The following PIGX variants were observed in gnomAD, a reference collection of about 807,000 sequenced individuals.
The protein encoded by PIGX is phosphatidylinositol glycan anchor biosynthesis class X.
Under a neutral mutation model 28.7 loss-of-function variants are expected in PIGX, and 24 were observed. The ratio of observed to expected loss-of-function variants is 0.84; its 90% CI spans 0.60 to 1.17. The LOEUF (loss-of-function observed/expected upper bound fraction) is 1.17, where lower values mean the gene tolerates loss of function less well. PIGX is among the 50% of genes most tolerant of loss of function. The probability of loss-of-function intolerance (pLI) is 0.00; values close to 1 mark genes in which losing one functional copy is unlikely to be tolerated. For synonymous variants in PIGX, 127 were observed against 121.0 expected (o/e 1.05, Z -0.33); for missense variants, 305 against 317.8 (o/e 0.96, Z 0.31).
At chr3:196,731,169 TAA>T (rs535903270) in intron 5 of PIGX, 77 bp downstream of exon 5, 1 of 807,972 alleles carries the variant, frequency 1.2e-6, no homozygotes, top group South Asian at 1.7e-5. Context: ...CTGCCACATT[TAA>T]GAGATTAGCA....
chr3:196,725,474 C>T (rs1397101898), intron 3 of PIGX, among the ~76,000 whole-genome samples: 1 of 152,092 alleles, frequency 6.6e-6, no homozygotes, highest in East Asian at 1.9e-4. Flanking sequence ...GGAGGAGAAA[C>T]TCAAGCAGAG....
At chr3:196,713,830 C>G (rs1157769699) in intron 1 of PIGX, among the ~76,000 whole-genome samples, 1 of 122,580 alleles carries the variant, frequency 8.2e-6, no homozygotes, top group Non-Finnish European at 1.7e-5. Context: ...GAGGGAGACT[C>G]TGTCTCAAAA....
intron 4 of PIGX, chr3:196,728,861 T>C (rs1244999570): frequency 1.4e-6 from 1 of 712,202 alleles, no homozygotes; most frequent in African/African-American, 1.7e-5. Flanking sequence ...TTGCTTTTTG[T>C]TTCTTGTTAT....
At position 196,725,440 on chromosome 3, in the gene PIGX, A is replaced by G. The variant is rs73892932; in HGVS notation, c.319-2483A>G. ...TACTGTCATCCAGCTTATTTCCTTG[A>G]GAATATTTTCAGGCTTAATGCAGGG... On this transcript the variant is annotated intron_variant, in intron 3 of 5. Coordinates refer to ENST00000392391, the MANE Select transcript of PIGX (RefSeq NM_017861.4). Among the ~76,000 whole-genome samples, 485 of 152,316 alleles carry G rather than the reference A, an allele frequency of 3.2e-3. 3 individuals are homozygous for G. The highest frequency in any genetic ancestry group is 0.01 in the African/African-American group (427 of 41,560).
At chr3:196,723,072 C>T (rs926633982) in intron 3 of PIGX, among the ~76,000 whole-genome samples, 15 of 152,106 alleles carry the variant, frequency 9.9e-5, no homozygotes, top group East Asian at 3.9e-4. Flanking sequence ...CTGGGTGCAG[C>T]GTCTTACGCT....
At chr3:196,720,272 T>G (rs1157788798) in intron 2 of PIGX, among the ~76,000 whole-genome samples, 2 of 152,236 alleles carry the variant, frequency 1.3e-5, no homozygotes, top group Non-Finnish European at 1.5e-5. Flanking sequence ...TGAATTTGAC[T>G]CCTCTGGGTA....
At chr3:196,712,668 G>A in intron 1 of PIGX, 24 bp downstream of exon 1, 1 of 1,182,820 alleles carries the variant, frequency 8.5e-7, no homozygotes, top group Non-Finnish European at 1.0e-6. Context: ...GGCTTGGGGG[G>A]CCAGAGCGTG....
chr3:196,733,255 T>C lies in PIGX; in HGVS notation c.634-504T>C, dbSNP rs1182684400. ...TCTGATTCTGTAACATTAAATGAAA[T>C]GTTAGATTCAAAAGTCATTCAAACC... On this transcript the variant is annotated intron_variant, in intron 5 of 5. Coordinates refer to ENST00000392391, the MANE Select transcript of PIGX (RefSeq NM_017861.4). The surrounding 1 kb of genome is among the most constrained non-coding windows in gnomAD (Gnocchi z 4.3). Among the ~76,000 whole-genome samples the C allele has an allele frequency of 1.3e-5, 2 of 152,134 alleles. No homozygotes were observed. The highest frequency in any genetic ancestry group is 2.9e-5 in the Non-Finnish European group (2 of 68,016).
chr3:196,720,601 G>A lies in PIGX; in HGVS notation c.177-1814G>A, dbSNP rs144592705. Among the ~76,000 whole-genome samples, 697 of 152,276 alleles carry A rather than the reference G, an allele frequency of 4.6e-3. 1 individual carries two copies. Among genetic ancestry groups the A allele is most frequent in the Middle Eastern group, 0.014 (4 of 294 alleles). On this transcript the variant is annotated intron_variant, in intron 2 of 5. Coordinates refer to ENST00000392391, the MANE Select transcript of PIGX (RefSeq NM_017861.4). ...TTCTATTGTAATTTTTTGAGAAATT[G>A]TCATAGAGTTTTCTGTAGTGGCCAC...
At chr3:196,727,371 A>G (rs1712564906) in intron 3 of PIGX, among the ~76,000 whole-genome samples, 2 of 152,198 alleles carry the variant, frequency 1.3e-5, no homozygotes, top group Middle Eastern at 3.2e-3. Context: ...TTACCATATT[A>G]TTTTAAGCAA....
At chr3:196,728,866 T>TA in intron 4 of PIGX, 1 of 705,198 alleles carries the variant, frequency 1.4e-6, no homozygotes, top group Non-Finnish European at 2.6e-6. Context: ...TTTTGTTTCT[T>TA]GTTATCAGTA....
chr3:196,714,787 G>A (rs1712020624), intron 1 of PIGX, among the ~76,000 whole-genome samples: 1 of 152,154 alleles, frequency 6.6e-6, no homozygotes, highest in African/African-American at 2.4e-5. Flanking sequence ...AAGAGGCAGA[G>A]CCTTGCTCGG....
At chr3:196,722,168 T>C (rs1434387276) in intron 2 of PIGX, among the ~76,000 whole-genome samples, 3 of 152,260 alleles carry the variant, frequency 2.0e-5, no homozygotes, top group African/African-American at 2.4e-5. Context: ...GTGAATGTTA[T>C]TGGATTCCAT....
At chr3:196,718,649 T>C (rs754233913) in intron 2 of PIGX, among the ~76,000 whole-genome samples, 1 of 152,366 alleles carries the variant, frequency 6.6e-6, no homozygotes, top group South Asian at 2.1e-4. Flanking sequence ...TTTACTTGTA[T>C]GTTCATGAAG....
chr3:196,716,947 C>G, intron 2 of PIGX, 26 bp downstream of exon 2: 1 of 1,367,236 alleles, frequency 7.3e-7, no homozygotes, highest in South Asian at 1.2e-5. Context: ...ATTTCTATTT[C>G]TATTAAAATA....
intron 3 of PIGX, among the ~76,000 whole-genome samples, chr3:196,724,595 T>C (rs1329984820): frequency 6.6e-6 from 1 of 152,212 alleles, no homozygotes; most frequent in African/African-American, 2.4e-5. Flanking sequence ...CCATTATAGA[T>C]TGATTAACAA....
At position 196,712,494 on chromosome 3, in the gene PIGX, G is replaced by T; in HGVS notation, c.-39G>T. The T allele has an allele frequency of 2.0e-6, 2 of 1,015,002 alleles. No homozygotes were observed. Among genetic ancestry groups the T allele is most frequent in the Non-Finnish European group, 2.5e-6 (2 of 812,336 alleles). 62.9% of individuals were successfully genotyped at this position (1,015,002 alleles called of 1,614,324 possible). Reference sequence around the variant, plus strand: ...AGGCCCCTTCCTGCGTCCGCACCTGGCCCCGCGCGCCCCTCTCGGGCGTCC... The same window carrying T: ...AGGCCCCTTCCTGCGTCCGCACCTGTCCCCGCGCGCCCCTCTCGGGCGTCC... On this transcript the variant is annotated 5_prime_UTR_variant, in exon 1 of 6. Transcript: ENST00000392391.
At chr3:196,721,442 T>C (rs1712319428) in intron 2 of PIGX, 1 of 167,880 alleles carries the variant, frequency 6.0e-6, no homozygotes, top group Admixed American at 6.3e-5. Flanking sequence ...TCTCTCTCTT[T>C]TTTTTTTCTT....
intron 3 of PIGX, among the ~76,000 whole-genome samples, chr3:196,725,385 C>T (rs574463441): frequency 4.9e-4 from 75 of 152,054 alleles, no homozygotes; most frequent in African/African-American, 1.6e-3. Flanking sequence ...CAGAGATATC[C>T]GAGAGAAGGG....
Sources: gnomAD v4.1 joint callset for allele counts (sites outside exome capture counted in the v4.1 genomes callset) on GRCh38, gnomAD v4.1.1 for gene constraint, Gnocchi (gnomAD v3.1) non-coding constraint, MANE v1.5 for transcripts, NCBI Gene and HGNC (gene_info 2026-07-23, HGNC 2026-07-21) for gene names.